OPCML: variants seen among roughly 807,000 people sequenced by gnomAD.
OPCML encodes opioid-binding protein/cell adhesion molecule.
OPCML carries 13 observed loss-of-function variants against 37.8 expected under a neutral mutation model. The observed-to-expected ratio is 0.34, with a 90% CI of 0.22 to 0.55. The LOEUF (loss-of-function observed/expected upper bound fraction) is 0.55, where lower values mean the gene tolerates loss of function less well. OPCML is among the 20% of genes least tolerant of loss of function. The probability of loss-of-function intolerance (pLI) is 0.91; values close to 1 mark genes in which losing one functional copy is unlikely to be tolerated. For missense variants in OPCML, 341 were observed against 435.6 expected (o/e 0.78, Z 1.93); for synonymous variants, 176 against 168.8 (o/e 1.04, Z -0.33).
At chr11:133,100,196 C>T (rs1028024155) in intron 1 of OPCML, among the ~76,000 whole-genome samples, 1 of 152,092 alleles carries the variant, frequency 6.6e-6, no homozygotes, top group South Asian at 2.1e-4. Flanking sequence ...GGGTGAGGAT[C>T]AAAGTACTAC....
chr11:132,626,887 CATAT>C (rs1339698673), intron 3 of OPCML, among the ~76,000 whole-genome samples: 3 of 148,540 alleles, frequency 2.0e-5, no homozygotes, highest in African/African-American at 7.5e-5. Context: ...CATACATATA[CATAT>C]ATGTTTTATA....
chr11:132,653,598 A>G (rs1941546387), intron 3 of OPCML, among the ~76,000 whole-genome samples: 1 of 152,196 alleles, frequency 6.6e-6, no homozygotes, highest in Non-Finnish European at 1.5e-5. Context: ...CAGTGACACG[A>G]TTTTAATGAA....
At chr11:133,097,495 CAGA>C (rs1387172527) in intron 1 of OPCML, among the ~76,000 whole-genome samples, 1 of 151,630 alleles carries the variant, frequency 6.6e-6, no homozygotes. Context: ...CAAAAGTAAG[CAGA>C]AGAAAATAAA....
At chr11:132,512,669 A>G (rs2096271381) in intron 4 of OPCML, among the ~76,000 whole-genome samples, 1 of 151,830 alleles carries the variant, frequency 6.6e-6, no homozygotes, top group Non-Finnish European at 1.5e-5. Flanking sequence ...TAGTTCATAT[A>G]CACATGTTTT....
intron 2 of OPCML, among the ~76,000 whole-genome samples, chr11:132,828,210 G>A (rs921867600): frequency 6.6e-5 from 10 of 152,194 alleles, no homozygotes; most frequent in Non-Finnish European, 1.0e-4. Flanking sequence ...TATAGAGACA[G>A]TAGATAGATC....
intron 2 of OPCML, among the ~76,000 whole-genome samples, chr11:132,773,894 C>T (rs572202650): frequency 2.6e-5 from 4 of 152,286 alleles, no homozygotes; most frequent in South Asian, 4.1e-4. Context: ...TCAATCACCA[C>T]AGGCGCTCTG....
Position 133,161,086 on chromosome 11 carries a change from A to G in OPCML, c.62-218076T>C, listed in dbSNP as rs146050255. ...GCCTTACCTTTCTCTTTATCTCTTA[A>G]TCGACTAAAGGGAATCCACAGGAGG... On this transcript the variant is annotated intron_variant, in intron 1 of 7. Transcript: ENST00000524381. Among the ~76,000 whole-genome samples the G allele has an allele frequency of 2.3e-3, 353 of 152,258 alleles. 3 individuals are homozygous for G. The highest frequency in any genetic ancestry group is 8.1e-3 in the African/African-American group (336 of 41,526).
chr11:133,462,805 A>G (rs1946886646), intron 1 of OPCML, among the ~76,000 whole-genome samples: 1 of 152,200 alleles, frequency 6.6e-6, no homozygotes, highest in East Asian at 1.9e-4. Context: ...TAAAATTGAC[A>G]TGTGGTCCAG....
chr11:132,423,053 C>A (rs891809557), intron 7 of OPCML, among the ~76,000 whole-genome samples: 22 of 152,246 alleles, frequency 1.4e-4, no homozygotes, highest in African/African-American at 4.3e-4. Flanking sequence ...ATTCTGCATC[C>A]AGGTGTTAGG....
At position 133,116,805 on chromosome 11, in the gene OPCML, C is replaced by CATACATATATATATATAT. The variant is rs1280351007; in HGVS notation, c.62-173796_62-173795insATATATATATATATGTAT. ...TGTGGGAAGATATTTTAAAACTATA[C>CATACATATATATATATAT]ATATATATATATGTATGTATCTTGT... On this transcript the variant is annotated intron_variant, in intron 1 of 7. Transcript: ENST00000524381. Among the ~76,000 whole-genome samples the CATACATATATATATATAT allele has an allele frequency of 7.9e-4, 114 of 144,150 alleles. 2 individuals carry two copies. Among genetic ancestry groups the CATACATATATATATATAT allele is most frequent in the East Asian group, 1.9e-3 (9 of 4,772 alleles). The allele number at this position is 144,150 out of a possible 152,430, so 94.6% of individuals were successfully genotyped here.
intron 2 of OPCML, among the ~76,000 whole-genome samples, chr11:132,909,177 C>T (rs1944342938): frequency 6.6e-6 from 1 of 152,154 alleles, no homozygotes; most frequent in Non-Finnish European, 1.5e-5. Flanking sequence ...GCAGGGCTGT[C>T]TATCTGAGTG....
At chr11:133,287,758 T>G (rs1017231878) in intron 1 of OPCML, among the ~76,000 whole-genome samples, 2 of 151,838 alleles carry the variant, frequency 1.3e-5, no homozygotes, top group South Asian at 2.1e-4. Flanking sequence ...GAGAGCAGTG[T>G]GAGACTCAAG....
chr11:132,942,856 C>T (rs914938466), intron 2 of OPCML, 70 bp downstream of exon 2: 2 of 1,592,626 alleles, frequency 1.3e-6, no homozygotes, highest in Non-Finnish European at 1.7e-6. Context: ...AGCCTTCTGC[C>T]CCCTCTTCCC....
At chr11:133,487,573 G>A (rs35789380) in intron 1 of OPCML, among the ~76,000 whole-genome samples, 53,401 of 151,932 alleles carry the variant, frequency 0.35, 12,156 homozygotes, top group African/African-American at 0.64. Context: ...TGGTCCCTTT[G>A]TTTTCTTTTA....
At chr11:132,831,875 T>A (rs1311106870) in intron 2 of OPCML, among the ~76,000 whole-genome samples, 1 of 152,174 alleles carries the variant, frequency 6.6e-6, no homozygotes. Flanking sequence ...AATGTGGTCA[T>A]TAAACAGCAA....
intron 1 of OPCML, among the ~76,000 whole-genome samples, chr11:133,482,968 A>G (rs988514490): frequency 2.0e-5 from 3 of 152,212 alleles, no homozygotes; most frequent in Non-Finnish European, 4.4e-5. Flanking sequence ...GATAGAATTA[A>G]CAGATAATAA....
chr11:132,520,659 T>G (rs10894572), intron 4 of OPCML, among the ~76,000 whole-genome samples: 1 of 148,044 alleles, frequency 6.8e-6, no homozygotes, highest in African/African-American at 2.6e-5. Context: ...TGTCATCTTA[T>G]GTAACTAAAT....
chr11:132,788,770 T>A (rs995692712), intron 2 of OPCML, among the ~76,000 whole-genome samples: 1 of 152,222 alleles, frequency 6.6e-6, no homozygotes, highest in African/African-American at 2.4e-5. Flanking sequence ...TGCCCAAGGT[T>A]ACCTAGCTGG....
At chr11:132,930,998 A>G (rs543645270) in intron 2 of OPCML, among the ~76,000 whole-genome samples, 3 of 152,324 alleles carry the variant, frequency 2.0e-5, no homozygotes, top group Non-Finnish European at 4.4e-5. Flanking sequence ...TACAGAGCCC[A>G]GAAATAAGCC....
Sources: allele counts gnomAD v4.1 joint callset (sites outside exome capture counted in the v4.1 genomes callset), GRCh38; gene constraint gnomAD v4.1.1; transcripts MANE v1.5; gene names NCBI Gene and HGNC (gene_info 2026-07-23, HGNC 2026-07-21).